BMP6: variants seen among roughly 807,000 people sequenced by gnomAD.
BMP6 encodes the protein bone morphogenetic protein 6, also known as VG-1-R.
Under a neutral mutation model 54.1 loss-of-function variants are expected in BMP6, and 17 were observed. The observed-to-expected ratio is 0.31, with a 90% confidence interval of 0.22 to 0.47. The LOEUF is 0.47. Among genes scored for constraint, BMP6 ranks in the 20% least tolerant of loss-of-function variants. The probability of loss-of-function intolerance (pLI) is 1.00; values close to 1 mark genes in which losing one functional copy is unlikely to be tolerated. For missense variants in BMP6, 720 were observed against 690.4 expected, an observed-to-expected ratio of 1.04 and a Z score of -0.48; for synonymous variants, 328 against 291.2, an observed-to-expected ratio of 1.13 and a Z score of -1.28.
intron 4 of BMP6, among the ~76,000 whole-genome samples, chr6:7,870,825 C>T (rs55706319): frequency 0.079 from 12,083 of 152,238 alleles, 647 homozygotes; most frequent in East Asian, 0.12. Context: ...GACAGGGTTT[C>T]ACCATGTTGG....
chr6:7,797,230 A>G (rs1758204314), intron 1 of BMP6, among the ~76,000 whole-genome samples: 1 of 152,188 alleles, frequency 6.6e-6, no homozygotes, highest in Non-Finnish European at 1.5e-5. Flanking sequence ...TTATTTTTAA[A>G]TGTATGCTCT....
chr6:7,787,509 C>CA (rs1019897357), intron 1 of BMP6, among the ~76,000 whole-genome samples: 2 of 152,018 alleles, frequency 1.3e-5, no homozygotes, highest in African/African-American at 2.4e-5. Context: ...TTGCAGGCTG[C>CA]AAAAAAAGCT....
chr6:7,734,300 G>T (rs531400658), intron 1 of BMP6, among the ~76,000 whole-genome samples: 1 of 152,180 alleles, frequency 6.6e-6, no homozygotes, highest in Non-Finnish European at 1.5e-5. Flanking sequence ...AAAAGTTCTC[G>T]CATATCATCT....
At chr6:7,878,969 C>T (rs1327591550) in intron 4 of BMP6, 105 bp from the exon 5 acceptor site, 1 of 1,152,474 alleles carries the variant, frequency 8.7e-7, no homozygotes, top group Non-Finnish European at 1.3e-6. Flanking sequence ...GGAGGCTATC[C>T]TGAGCCTAGC....
intron 1 of BMP6, among the ~76,000 whole-genome samples, chr6:7,744,337 G>A (rs1340778606): frequency 6.6e-6 from 1 of 152,138 alleles, no homozygotes; most frequent in Non-Finnish European, 1.5e-5. Context: ...TTAGCCTGGT[G>A]TGGTGGCGGG....
At chr6:7,796,340 T>C (rs1431105145) in intron 1 of BMP6, among the ~76,000 whole-genome samples, 1 of 152,254 alleles carries the variant, frequency 6.6e-6, no homozygotes, top group Admixed American at 6.5e-5. Context: ...TTTATGAGGA[T>C]GAAGCCAAAC....
At chr6:7,845,858 G>A (rs755005702) in intron 2 of BMP6, among the ~76,000 whole-genome samples, 1 of 151,558 alleles carries the variant, frequency 6.6e-6, no homozygotes, top group Non-Finnish European at 1.5e-5. Flanking sequence ...TATTACTCTC[G>A]TTTCCTAAAA....
At chr6:7,781,853 G>T (rs772099487) in intron 1 of BMP6, among the ~76,000 whole-genome samples, 11 of 151,454 alleles carry the variant, frequency 7.3e-5, no homozygotes, top group Non-Finnish European at 1.5e-4. Context: ...GAACTGAAAA[G>T]ATAGGTGAGA....
chr6:7,808,238 G>T (rs1758381357), intron 1 of BMP6, among the ~76,000 whole-genome samples: 1 of 152,128 alleles, frequency 6.6e-6, no homozygotes, highest in Non-Finnish European at 1.5e-5. Context: ...TAAAAGGAAA[G>T]AAAATATGCA....
chr6:7,814,744 A>G (rs1239687774), intron 1 of BMP6, among the ~76,000 whole-genome samples: 1 of 152,156 alleles, frequency 6.6e-6, no homozygotes, highest in African/African-American at 2.4e-5. Context: ...TCAATCAGTA[A>G]TAACTAATAA....
chr6:7,787,491 A>G (rs1758037393), intron 1 of BMP6, among the ~76,000 whole-genome samples: 1 of 152,170 alleles, frequency 6.6e-6, no homozygotes, highest in Admixed American at 6.5e-5. Flanking sequence ...TTTTTGACAG[A>G]TGAATTGTTG....
chr6:7,830,733 A>G (rs1333082992), intron 1 of BMP6, among the ~76,000 whole-genome samples: 3 of 152,226 alleles, frequency 2.0e-5, no homozygotes, highest in Non-Finnish European at 2.9e-5. Flanking sequence ...AAGAAAGAGC[A>G]TGTGCAGGGG....
At position 7,797,782 on chromosome 6, in the gene BMP6, A is replaced by G. The variant is rs1226432650; in HGVS notation, c.665-47358A>G. On this transcript the variant is annotated intron_variant, in intron 1 of 6. Transcript: ENST00000283147. Reference sequence around the variant, plus strand: ...ACAGCAACAAAAAGAAGAGACCGATACAAGTTATAGAGAACCTCAAAATGA... The same window carrying G: ...ACAGCAACAAAAAGAAGAGACCGATGCAAGTTATAGAGAACCTCAAAATGA... Among the ~76,000 whole-genome samples the G allele has an allele frequency of 2.6e-5, 4 of 152,240 alleles. No individual in the cohort carries two copies. The East Asian group carries it at 7.7e-4, about 29-fold the overall frequency.
At chr6:7,866,393 C>T (rs1759424383) in intron 4 of BMP6, among the ~76,000 whole-genome samples, 1 of 152,202 alleles carries the variant, frequency 6.6e-6, no homozygotes, top group Non-Finnish European at 1.5e-5. Context: ...GTTTGGTGGT[C>T]TCCTTCTACT....
chr6:7,817,272 T>C (rs1221740617), intron 1 of BMP6, among the ~76,000 whole-genome samples: 1 of 152,190 alleles, frequency 6.6e-6, no homozygotes, highest in East Asian at 1.9e-4. Flanking sequence ...GGACTTCTTA[T>C]CTTTTCAGTG....
At chr6:7,754,114 C>CT (rs960995770) in intron 1 of BMP6, among the ~76,000 whole-genome samples, 10 of 152,070 alleles carry the variant, frequency 6.6e-5, no homozygotes, top group African/African-American at 2.4e-4. Context: ...TCTTTATTGT[C>CT]TTTTTTTCTT....
At chr6:7,849,729 A>AC (rs1163224094) in intron 2 of BMP6, among the ~76,000 whole-genome samples, 1 of 152,214 alleles carries the variant, frequency 6.6e-6, no homozygotes, top group African/African-American at 2.4e-5. Context: ...ATTTTAACAG[A>AC]CACGTTCAAT....
chr6:7,820,697 G>A (rs149886225), intron 1 of BMP6, among the ~76,000 whole-genome samples: 4 of 152,284 alleles, frequency 2.6e-5, no homozygotes, highest in African/African-American at 9.6e-5. Context: ...GAGCTGAGTT[G>A]CTCGTTCTTC....
chr6:7,761,715 A>C (rs1300220415), intron 1 of BMP6, among the ~76,000 whole-genome samples: 1 of 152,136 alleles, frequency 6.6e-6, no homozygotes, highest in Non-Finnish European at 1.5e-5. Flanking sequence ...TGGCTCCTTC[A>C]AAAAGGCTTC....
Sources: allele counts gnomAD v4.1 joint callset (sites outside exome capture counted in the v4.1 genomes callset), GRCh38; gene constraint gnomAD v4.1.1; transcripts MANE v1.5; gene names NCBI Gene and HGNC (gene_info 2026-07-23, HGNC 2026-07-21).